IST1: variants seen among roughly 807,000 people sequenced by gnomAD.
IST1 encodes IST1 factor associated with ESCRT-III.
IST1 carries 23 observed loss-of-function variants against 37.0 expected under a neutral mutation model. The ratio of observed to expected loss-of-function variants is 0.62; its 90% CI spans 0.45 to 0.88. The LOEUF (loss-of-function observed/expected upper bound fraction) is 0.88. IST1 is among the 40% of genes least tolerant of loss of function. The pLI, the probability that IST1 is intolerant of heterozygous loss-of-function variation, is 0.00. For synonymous variants in IST1, 180 were observed against 161.7 expected (o/e 1.11, Z -0.86); for missense variants, 488 against 445.4 (o/e 1.10, Z -0.86).
intron 1 of IST1, among the ~76,000 whole-genome samples, chr16:71,904,224 A>C (rs1317302257): frequency 6.6e-6 from 1 of 152,150 alleles, no homozygotes; most frequent in Admixed American, 6.6e-5. Context: ...GCCAGGTTCA[A>C]GCAATTTTCC....
chr16:71,923,330 C>T lies in IST1; in HGVS notation c.802C>T (p.Pro268Ser). 6.2e-7 allele frequency: 1 copy of T among 1,612,870 alleles called. No individual in the cohort carries two copies. Among genetic ancestry groups the T allele is most frequent in the Non-Finnish European group, 8.5e-7 (1 of 1,179,038 alleles). The change falls in exon 8 of 10, where the codon CCC becomes TCC. Residue 268 changes from proline to serine, a missense_variant. Physicochemically the swap from Pro to Ser is moderately conservative, Grantham distance 74. Coordinates refer to ENST00000378799, the MANE Select transcript of IST1 (RefSeq NM_001270975.2). ...GLPMGTYQAF[P>S]NIHPPQIPAT... The stretch of plus-strand genomic sequence containing the variant: ...GCCAATGGGGACTTATCAGGCCTTT[C>T]CCAATATTCATCCACCTCAGATACC...
In IST1 at chr16:71,923,580, G is replaced by T. The variant is rs1465935236; in HGVS notation, c.852+200G>T. The T allele has an allele frequency of 4.3e-5, 18 of 422,566 alleles. No homozygotes were observed. The South Asian group carries it at 5.6e-4, about 13-fold the overall frequency. The allele number at this position is 422,566 out of a possible 1,614,324, so 26.2% of individuals were successfully genotyped here. Reference sequence around the variant, plus strand: ...TGATGGCAGTATCATTGGTGGCAATGCTTTGTCTGCAATTAAGCCAGGAAT... The same window carrying T: ...TGATGGCAGTATCATTGGTGGCAATTCTTTGTCTGCAATTAAGCCAGGAAT... On this transcript the variant is annotated intron_variant, in intron 8 of 9. Transcript: ENST00000378799.
intron 5 of IST1, 190 bp downstream of exon 5, chr16:71,921,012 T>C (rs2037567872): frequency 4.7e-6 from 3 of 635,646 alleles, no homozygotes; most frequent in Non-Finnish European, 8.6e-6. Flanking sequence ...CTCTGGTTAC[T>C]GTCATTCCTG....
chr16:71,922,730 C>T (rs1042854602), intron 7 of IST1, 50 bp downstream of exon 7: 1 of 1,465,206 alleles, frequency 6.8e-7, no homozygotes, highest in Non-Finnish European at 9.4e-7. Context: ...TTATAGATAA[C>T]AAGTTGGCTC....
chr16:71,902,835 C>T (rs1365205843), intron 1 of IST1, among the ~76,000 whole-genome samples: 2 of 151,954 alleles, frequency 1.3e-5, no homozygotes, highest in Non-Finnish European at 2.9e-5. Context: ...TTTAAAAAAT[C>T]GTTTTGAAGA....
At chr16:71,910,737 G>A (rs987794836) in intron 1 of IST1, among the ~76,000 whole-genome samples, 3 of 152,138 alleles carry the variant, frequency 2.0e-5, no homozygotes, top group Admixed American at 1.3e-4. Flanking sequence ...CTTCATAAGG[G>A]CAAGGGTGGT....
intron 8 of IST1, among the ~76,000 whole-genome samples, chr16:71,923,757 C>T (rs556184005): frequency 6.6e-6 from 1 of 152,144 alleles, no homozygotes; most frequent in Non-Finnish European, 1.5e-5. Flanking sequence ...CCTATGTGTT[C>T]TCAACACATG....
intron 1 of IST1, among the ~76,000 whole-genome samples, chr16:71,910,667 G>A (rs1400439468): frequency 2.0e-5 from 3 of 151,974 alleles, no homozygotes; most frequent in Non-Finnish European, 2.9e-5. Context: ...TATGATCTGC[G>A]ATTTCAGGCA....
At chr16:71,912,921 TGGGTA>T (rs769329021) in intron 1 of IST1, among the ~76,000 whole-genome samples, 10 of 152,338 alleles carry the variant, frequency 6.6e-5, no homozygotes, top group Non-Finnish European at 1.5e-4. Context: ...TAGCATGTGA[TGGGTA>T]GGATTTCCTT....
intron 3 of IST1, 58 bp downstream of exon 3, chr16:71,916,700 A>G (rs1261337269): frequency 2.1e-6 from 3 of 1,441,094 alleles, no homozygotes; most frequent in Non-Finnish European, 1.9e-6. Flanking sequence ...AAGGAGTAAT[A>G]TGATCTCTTT....
intron 8 of IST1, chr16:71,924,150 T>C (rs1407862173): frequency 2.2e-6 from 1 of 455,960 alleles, no homozygotes; most frequent in Non-Finnish European, 4.4e-6. Context: ...ATGCGTCACA[T>C]AACCCACAGC....
At chr16:71,926,942 T>A (rs1336282283) in intron 9 of IST1, among the ~76,000 whole-genome samples, 1 of 152,168 alleles carries the variant, frequency 6.6e-6, no homozygotes, top group Non-Finnish European at 1.5e-5. Context: ...AAAAAAACTT[T>A]GCCCCCAATC....
At chr16:71,922,809 C>T in intron 7 of IST1, 129 bp downstream of exon 7, 1 of 737,734 alleles carries the variant, frequency 1.4e-6, no homozygotes, top group Non-Finnish European at 2.3e-6. Flanking sequence ...TATTAGCTGG[C>T]AGTCATCTTG....
At chr16:71,919,180 C>T (rs1308553711) in intron 4 of IST1, among the ~76,000 whole-genome samples, 1 of 152,198 alleles carries the variant, frequency 6.6e-6, no homozygotes. Flanking sequence ...AACAAAACTC[C>T]CTGATACAGC....
chr16:71,924,654 C>T, intron 8 of IST1, 115 bp from the exon 9 acceptor site: 1 of 779,876 alleles, frequency 1.3e-6, no homozygotes. Flanking sequence ...TTCTTTGGAA[C>T]AGGCTCTGTT....
upstream of IST1, chr16:71,895,066 C>T (rs542158898): frequency 4.5e-6 from 2 of 446,514 alleles, no homozygotes; most frequent in East Asian, 4.0e-5. Context: ...GTCAGGGATA[C>T]GCAGGCTTCG....
intron 1 of IST1, chr16:71,903,766 A>G (rs904399472): frequency 6.6e-6 from 1 of 152,220 alleles, no homozygotes; most frequent in African/African-American, 2.4e-5. Context: ...GTTCTAGTAC[A>G]CTGCTGTGTT....
At chr16:71,908,878 C>T (rs944624571) in intron 1 of IST1, among the ~76,000 whole-genome samples, 14 of 152,150 alleles carry the variant, frequency 9.2e-5, no homozygotes, top group Non-Finnish European at 1.8e-4. Flanking sequence ...TCTTCTTCAT[C>T]CATCTGCTAT....
chr16:71,917,411 T>C (rs756822041), intron 4 of IST1, among the ~76,000 whole-genome samples: 1 of 152,252 alleles, frequency 6.6e-6, no homozygotes, highest in Non-Finnish European at 1.5e-5. Context: ...AAAGTTCTTA[T>C]ACAACTGTAA....
Sources: gnomAD v4.1 joint callset for allele counts (sites outside exome capture counted in the v4.1 genomes callset) on GRCh38, gnomAD v4.1.1 for gene constraint, MANE v1.5 for transcripts, NCBI Gene and HGNC (gene_info 2026-07-23, HGNC 2026-07-21) for gene names.